The following TYW1B variants were observed in gnomAD, a reference collection of about 807,000 sequenced individuals.
The protein encoded by TYW1B is S-adenosyl-L-methionine-dependent tRNA 4-demethylwyosine synthase TYW1B.
In TYW1B, 73 loss-of-function variants were observed where a neutral mutation model predicts 86.9. The observed-to-expected ratio is 0.84, with a 90% CI of 0.70 to 1.02. The LOEUF is 1.02. Ranked by LOEUF, TYW1B falls within the 50% of genes least tolerant of loss-of-function variation. TYW1B has a pLI of 0.00. For synonymous variants in TYW1B, 248 were observed against 292.8 expected (o/e 0.85, Z 1.56); for missense variants, 637 against 827.4 (o/e 0.77, Z 2.82).
rs533213418 is a variant in TYW1B, at chr7:72,622,078, G to A, written c.1618-5239C>T. 7.9e-5 allele frequency among the ~76,000 whole-genome samples: 12 copies of A among 152,230 alleles called. 1 individual carries two copies. In the South Asian group the frequency reaches 2.1e-3, roughly 26 times the overall value. On this transcript the variant is annotated intron_variant, in intron 12 of 13. Transcript: ENST00000620995. Reference sequence around the variant, plus strand: ...TGTAATGCTAGGCAGAGAACACACAGACAGTATTTCATTTACAAATGGATT... The same window carrying A: ...TGTAATGCTAGGCAGAGAACACACAAACAGTATTTCATTTACAAATGGATT...
chr7:72,700,741 G>A (rs782343402), intron 10 of TYW1B, among the ~76,000 whole-genome samples: 2 of 152,094 alleles, frequency 1.3e-5, no homozygotes, highest in East Asian at 1.9e-4. Context: ...TCTATTTGAT[G>A]AGTCATCATT....
At chr7:72,621,574 C>G in intron 12 of TYW1B, among the ~76,000 whole-genome samples, 1 of 152,242 alleles carries the variant, frequency 6.6e-6, no homozygotes, top group Non-Finnish European at 1.5e-5. Flanking sequence ...TCAGGAACCT[C>G]TACGCTATCT....
intron 11 of TYW1B, among the ~76,000 whole-genome samples, chr7:72,631,396 C>T (rs1258349362): frequency 6.6e-6 from 1 of 152,058 alleles, no homozygotes; most frequent in Non-Finnish European, 1.5e-5. Flanking sequence ...CACCTGTAAT[C>T]CAAGCTACTT....
At chr7:72,749,910 T>C (rs1054461473) in intron 7 of TYW1B, among the ~76,000 whole-genome samples, 1 of 95,514 alleles carries the variant, frequency 1.0e-5, no homozygotes, top group Non-Finnish European at 2.4e-5. Context: ...TTGGTTTTTT[T>C]TGTTTTTTTT....
Position 72,807,067 on chromosome 7 carries a change from T to C in TYW1B, c.722A>G (p.Lys241Arg), listed in dbSNP as rs1554476837. The stretch of plus-strand genomic sequence containing the variant: ...GAGATGAACACACAGGCGGTATACC[T>C]TGGTGTCTCTGTGATGCAATTCGTC... ...EQDELHHRDT[K>R]EEEPFESSSE... is the part of the protein sequence containing the mutation. The change falls in exon 5 of 14, where the codon AAG (lysine) becomes AGG (arginine). Residue 241 changes from lysine to arginine, a missense_variant and splice_region_variant. Lys to Arg is a conservative substitution (Grantham distance 26). Coordinates refer to ENST00000620995, the MANE Select transcript of TYW1B (RefSeq NM_001145440.3). The C allele has an allele frequency of 2.5e-6, 4 of 1,613,386 alleles. No homozygotes were observed. The South Asian group carries it at 4.4e-5, about 18-fold the overall frequency.
intron 13 of TYW1B, among the ~76,000 whole-genome samples, chr7:72,576,970 T>C (rs1446833681): frequency 6.6e-6 from 1 of 151,858 alleles, no homozygotes; most frequent in Non-Finnish European, 1.5e-5. Context: ...CTACTAAAAA[T>C]ACAAAAATTA....
chr7:72,774,665 A>G (rs1787924430), intron 7 of TYW1B, among the ~76,000 whole-genome samples: 1 of 152,180 alleles, frequency 6.6e-6, no homozygotes, highest in South Asian at 2.1e-4. Flanking sequence ...TGGGAGGCAG[A>G]GGTTGCAGTG....
intron 6 of TYW1B, among the ~76,000 whole-genome samples, chr7:72,791,680 A>C (rs1452631973): frequency 3.9e-5 from 6 of 151,996 alleles, no homozygotes; most frequent in African/African-American, 9.7e-5. Flanking sequence ...GGGAGGCTAA[A>C]GCAGGAGAAT....
chr7:72,672,508 A>C (rs1411210834), intron 11 of TYW1B, among the ~76,000 whole-genome samples: 3 of 149,670 alleles, frequency 2.0e-5, no homozygotes, highest in Non-Finnish European at 4.5e-5. Flanking sequence ...ACACACACAC[A>C]CCTGTATACA....
chr7:72,659,801 T>A (rs1410676429), intron 11 of TYW1B, among the ~76,000 whole-genome samples: 5 of 152,088 alleles, frequency 3.3e-5, no homozygotes, highest in Non-Finnish European at 7.4e-5. Context: ...GGAGAGAGTT[T>A]CAAGAGGCAA....
At chr7:72,623,264 C>A (rs1322653639) in intron 12 of TYW1B, among the ~76,000 whole-genome samples, 1 of 152,002 alleles carries the variant, frequency 6.6e-6, no homozygotes, top group African/African-American at 2.4e-5. Flanking sequence ...AATTGAAATA[C>A]AAAGGGTATG....
chr7:72,577,630 A>G (rs1455911238), intron 13 of TYW1B, among the ~76,000 whole-genome samples: 1 of 152,188 alleles, frequency 6.6e-6, no homozygotes, highest in Admixed American at 6.6e-5. Flanking sequence ...TGACTTGGTC[A>G]CGCAGGCCCT....
chr7:72,810,460 T>C lies in TYW1B; in HGVS notation c.432+11A>G. 6.2e-7 allele frequency: 1 copy of C among 1,605,124 alleles called. No individual in the cohort carries two copies. Among genetic ancestry groups the C allele is most frequent in the Non-Finnish European group, 8.5e-7 (1 of 1,174,878 alleles). ...GGGAGAATTTATTCCTATAATTCAA[T>C]ATAGACCTACCTTGTTGAAGTGGCT... On this transcript the variant is annotated intron_variant, in intron 4 of 13. Transcript: ENST00000620995.
chr7:72,800,881 T>C (rs1788392492), intron 6 of TYW1B, among the ~76,000 whole-genome samples: 1 of 152,072 alleles, frequency 6.6e-6, no homozygotes, highest in African/African-American at 2.4e-5. Context: ...TGGGATTCCA[T>C]CAAACTTATA....
At chr7:72,677,996 C>T (rs1444867436) in intron 11 of TYW1B, among the ~76,000 whole-genome samples, 1 of 152,166 alleles carries the variant, frequency 6.6e-6, no homozygotes, top group Non-Finnish European at 1.5e-5. Flanking sequence ...GCCACCGCAC[C>T]CAGCACCTTT....
intron 3 of TYW1B, among the ~76,000 whole-genome samples, chr7:72,812,625 A>G (rs1382645109): frequency 6.6e-6 from 1 of 152,072 alleles, no homozygotes; most frequent in Non-Finnish European, 1.5e-5. Context: ...ACAGAGTTAA[A>G]GCTAGATATT....
intron 8 of TYW1B, among the ~76,000 whole-genome samples, chr7:72,741,423 C>T (rs1460510711): frequency 6.6e-6 from 1 of 151,822 alleles, no homozygotes; most frequent in African/African-American, 2.4e-5. Flanking sequence ...AATTATCTTG[C>T]CTAAGTAGAA....
chr7:72,823,567 C>A (rs1371314298), intron 2 of TYW1B, among the ~76,000 whole-genome samples: 3 of 151,896 alleles, frequency 2.0e-5, no homozygotes, highest in African/African-American at 7.2e-5. Flanking sequence ...TTGCAGTGAG[C>A]CGAGATCGCG....
At chr7:72,821,140 T>C (rs540676941) in intron 2 of TYW1B, among the ~76,000 whole-genome samples, 1 of 152,250 alleles carries the variant, frequency 6.6e-6, no homozygotes, top group South Asian at 2.1e-4. Flanking sequence ...ACCAGGCTAA[T>C]TTTTGTATTT....
Sources: gnomAD v4.1 joint callset for allele counts (sites outside exome capture counted in the v4.1 genomes callset) on GRCh38, gnomAD v4.1.1 for gene constraint, MANE v1.5 for transcripts, NCBI Gene and HGNC (gene_info 2026-07-23, HGNC 2026-07-21) for gene names.